Variants in KLF12 observed in about 807,000 individuals in gnomAD.
The protein encoded by KLF12 is Krueppel-like factor 12.
Under a neutral mutation model 37.8 loss-of-function variants are expected in KLF12, and 9 were observed. The observed-to-expected ratio is 0.24, with a 90% confidence interval of 0.14 to 0.42. KLF12 has a LOEUF of 0.42. Among genes scored for constraint, KLF12 ranks in the 10% least tolerant of loss-of-function variants. KLF12 has a pLI of 1.00. For synonymous variants in KLF12, 208 were observed against 202.1 expected, an observed-to-expected ratio of 1.03 and a Z score of -0.25; for missense variants, 411 against 516.0, an observed-to-expected ratio of 0.80 and a Z score of 1.97.
chr13:74,292,907 T>C, the KLF12 span, among the ~76,000 whole-genome samples: 1 of 152,216 alleles, frequency 6.6e-6, no homozygotes, highest in Non-Finnish European at 1.5e-5. Context: ...TGTTTGCTTC[T>C]GAGCCCAGAG....
chr13:73,735,061 G>A (rs1236706724), intron 6 of KLF12, among the ~76,000 whole-genome samples: 1 of 151,568 alleles, frequency 6.6e-6, no homozygotes, highest in African/African-American at 2.4e-5. Context: ...GCCAAGGCGG[G>A]AGGATCACTT....
chr13:74,142,318 C>T, the KLF12 span, among the ~76,000 whole-genome samples: 1 of 152,172 alleles, frequency 6.6e-6, no homozygotes, highest in African/African-American at 2.4e-5. Flanking sequence ...TCTGTGTCTC[C>T]CAAAATATAA....
At chr13:73,786,906 C>T (rs151048514) in intron 5 of KLF12, among the ~76,000 whole-genome samples, 57 of 152,128 alleles carry the variant, frequency 3.7e-4, no homozygotes, top group Middle Eastern at 3.4e-3. Flanking sequence ...GCTTGGGCGA[C>T]GGAGTGAGGC....
chr13:74,299,648 A>G, the KLF12 span, among the ~76,000 whole-genome samples: 1 of 152,210 alleles, frequency 6.6e-6, no homozygotes, highest in Non-Finnish European at 1.5e-5. Context: ...CTAATAAGAC[A>G]TATTTTTTGA....
At chr13:74,039,781 G>GCTAA (rs1893353299) in intron 1 of KLF12, among the ~76,000 whole-genome samples, 1 of 152,218 alleles carries the variant, frequency 6.6e-6, no homozygotes. Flanking sequence ...CAGCTTGGAT[G>GCTAA]AGTGCTGCAT....
chr13:73,980,798 CA>C (rs1297230111), intron 2 of KLF12, among the ~76,000 whole-genome samples: 1 of 152,128 alleles, frequency 6.6e-6, no homozygotes, highest in East Asian at 1.9e-4. Flanking sequence ...GAAAAATCTT[CA>C]AATGTCAGCA....
At chr13:73,935,695 T>C (rs538224930) in intron 3 of KLF12, among the ~76,000 whole-genome samples, 10 of 152,140 alleles carry the variant, frequency 6.6e-5, no homozygotes, top group Admixed American at 3.3e-4. Flanking sequence ...TGATGGGATC[T>C]TGGCTTACTG....
At chr13:73,866,657 G>A (rs565312948) in intron 3 of KLF12, among the ~76,000 whole-genome samples, 15 of 152,022 alleles carry the variant, frequency 9.9e-5, no homozygotes, top group African/African-American at 3.4e-4. Context: ...AATAAAAACA[G>A]AGCATTCATG....
chr13:74,014,150 AAGGCC>A (rs1892623575), intron 1 of KLF12, among the ~76,000 whole-genome samples: 1 of 152,220 alleles, frequency 6.6e-6, no homozygotes, highest in African/African-American at 2.4e-5. Flanking sequence ...TTGTCAGCAC[AAGGCC>A]ATTTGGATTG....
chr13:73,851,893 C>T (rs1885352357), intron 3 of KLF12, among the ~76,000 whole-genome samples: 1 of 152,160 alleles, frequency 6.6e-6, no homozygotes, highest in African/African-American at 2.4e-5. Flanking sequence ...GAGCCAAATT[C>T]CTTTTGAACA....
upstream of KLF12, among the ~76,000 whole-genome samples, chr13:74,138,153 G>C (rs1310184785): frequency 1.3e-5 from 2 of 152,222 alleles, no homozygotes; most frequent in Admixed American, 1.3e-4. Flanking sequence ...TTTAGAGATT[G>C]TAAGGCTTTG....
chr13:74,137,901 C>T (rs540886664), upstream of KLF12, among the ~76,000 whole-genome samples: 2 of 152,236 alleles, frequency 1.3e-5, no homozygotes, highest in South Asian at 2.1e-4. Flanking sequence ...GCTAGGATTA[C>T]GGGCATGCGC....
chr13:73,957,965 T>C lies in KLF12; in HGVS notation c.34-13895A>G, dbSNP rs572987858. On this transcript the variant is annotated intron_variant, in intron 2 of 7. Transcript: ENST00000377669. ...GATTCACAGGAATAAAAGAGGGAAT[T>C]GGTTTTAGAAGACAGGAGATATGCA... 7.9e-5 allele frequency among the ~76,000 whole-genome samples: 12 copies of C among 152,238 alleles called. No individual in the cohort carries two copies. In the South Asian group the frequency reaches 2.5e-3, roughly 32 times the overall value.
chr13:74,102,591 G>A (rs780055185), intron 1 of KLF12, among the ~76,000 whole-genome samples: 12 of 152,146 alleles, frequency 7.9e-5, no homozygotes, highest in Middle Eastern at 3.4e-3. Context: ...CAGCTACTCA[G>A]GAGGCTGAGG....
At chr13:73,812,472 G>A (rs1353137158) in intron 5 of KLF12, among the ~76,000 whole-genome samples, 5 of 151,202 alleles carry the variant, frequency 3.3e-5, no homozygotes, top group African/African-American at 9.7e-5. Flanking sequence ...TGTTAAATCA[G>A]CACATATACT....
chr13:74,266,259 A>C, the KLF12 span, among the ~76,000 whole-genome samples: 1 of 152,220 alleles, frequency 6.6e-6, no homozygotes, highest in Non-Finnish European at 1.5e-5. Context: ...TTAAAAAATC[A>C]AAGTTATGAC....
intron 5 of KLF12, among the ~76,000 whole-genome samples, chr13:73,768,470 A>G (rs909598744): frequency 6.6e-6 from 1 of 152,184 alleles, no homozygotes; most frequent in Non-Finnish European, 1.5e-5. Flanking sequence ...AAAGGCGAGA[A>G]AACAAACCAA....
At chr13:74,157,853 C>T in the KLF12 span, among the ~76,000 whole-genome samples, 1 of 152,164 alleles carries the variant, frequency 6.6e-6, no homozygotes, top group African/African-American at 2.4e-5. Context: ...CCTTAGACAT[C>T]CTGCTGCTCC....
chr13:73,778,876 G>A (rs1880790461), intron 5 of KLF12, among the ~76,000 whole-genome samples: 1 of 152,284 alleles, frequency 6.6e-6, no homozygotes, highest in South Asian at 2.1e-4. Context: ...GAGCAAAGAA[G>A]CAGCTCTTTT....
Sources: gnomAD v4.1 joint callset for allele counts (sites outside exome capture counted in the v4.1 genomes callset) on GRCh38, gnomAD v4.1.1 for gene constraint, MANE v1.5 for transcripts, NCBI Gene and HGNC (gene_info 2026-07-23, HGNC 2026-07-21) for gene names.